Variants in MPHOSPH9 observed in about 807,000 individuals in gnomAD.
MPHOSPH9 encodes M-phase phosphoprotein 9.
In MPHOSPH9, 88 loss-of-function variants were observed where a neutral mutation model predicts 145.5. The ratio of observed to expected loss-of-function variants is 0.60; its 90% CI spans 0.51 to 0.72. The LOEUF (loss-of-function observed/expected upper bound fraction) is 0.72. Ranked by LOEUF, MPHOSPH9 falls within the 30% of genes least tolerant of loss-of-function variation. The pLI, the probability that MPHOSPH9 is intolerant of heterozygous loss-of-function variation, is 0.00. For missense variants in MPHOSPH9, 1,238 were observed against 1,386.6 expected, an observed-to-expected ratio of 0.89 and a Z score of 1.70; for synonymous variants, 435 against 486.2, an observed-to-expected ratio of 0.89 and a Z score of 1.39.
At position 123,223,033 on chromosome 12, in the gene MPHOSPH9, CTT is replaced by C; in HGVS notation, c.348+3_348+4del. ...AAAAAGGAATCAATGTAAATGGTAA[CTT>C]ACTTGAATTTGGTTGTGGAACTGCT... On this transcript the variant is annotated splice_donor_region_variant and intron_variant, in intron 4 of 23. Transcript: ENST00000606320. The C allele has an allele frequency of 1.3e-6, 2 of 1,506,990 alleles. No individual in the cohort carries two copies. Among genetic ancestry groups the C allele is most frequent in the South Asian group, 2.5e-5 (2 of 81,422 alleles). 93.4% of individuals were successfully genotyped at this position (1,506,990 alleles called of 1,614,324 possible).
intron 8 of MPHOSPH9, among the ~76,000 whole-genome samples, chr12:123,208,598 A>G (rs2046554686): frequency 6.6e-6 from 1 of 151,932 alleles, no homozygotes; most frequent in South Asian, 2.1e-4. Flanking sequence ...AATGGATCGC[A>G]TAACAAATGA....
At chr12:123,237,655 A>G (rs1232165939), upstream of MPHOSPH9, among the ~76,000 whole-genome samples, 1 of 152,184 alleles carries the variant, frequency 6.6e-6, no homozygotes, top group Non-Finnish European at 1.5e-5. Context: ...TGTTTGAGAA[A>G]TAACTATCTG....
rs746240316 is a variant in MPHOSPH9 at position 123,156,893 on chromosome 12, G to C, written c.3466C>G (p.Arg1156Gly). 1 of 1,605,776 alleles carries C rather than the reference G, an allele frequency of 6.2e-7. No individual in the cohort carries two copies. Among genetic ancestry groups the C allele is most frequent in the Non-Finnish European group, 8.5e-7 (1 of 1,173,928 alleles). Residue 1156 changes from arginine (R) to glycine (G), a missense_variant, in exon 24 of 24, where the codon CGT becomes GGT. This residue lies in a region of MPHOSPH9 where 393 missense variants were observed against 462.5 expected (regional missense o/e 0.85). Coordinates refer to ENST00000606320, the MANE Select transcript of MPHOSPH9 (RefSeq NM_022782.4). Reference protein sequence around the residue: ...TRLNQEALEDRLERINRELGS... With the variant: ...TRLNQEALEDGLERINRELGS... Reference sequence around the variant, plus strand: ...AGTTCTCGATTAATCCTTTCCAAACGATCTTCCAAGGCTTCCTAGGTGAAA... The same window carrying C: ...AGTTCTCGATTAATCCTTTCCAAACCATCTTCCAAGGCTTCCTAGGTGAAA...
At chr12:123,211,844 A>G (rs2046737166) in intron 7 of MPHOSPH9, among the ~76,000 whole-genome samples, 1 of 150,628 alleles carries the variant, frequency 6.6e-6, no homozygotes, top group Non-Finnish European at 1.5e-5. Flanking sequence ...TAAACTCAAC[A>G]CCACCGCACC....
rs563946485 is a variant in MPHOSPH9, at chr12:123,155,590, T to C, written c.*1217A>G. 1 of 152,388 alleles carries C rather than the reference T, an allele frequency of 6.6e-6. No homozygotes were observed. The highest frequency in any genetic ancestry group is 2.4e-5 in the African/African-American group (1 of 41,588). 9.4% of individuals were successfully genotyped at this position (152,388 alleles called of 1,614,324 possible). ...GTTTGGATGAGTCTGTTTATCAACATGTACCGAGCTGGAATATGTGGGGCA... is the reference window on the plus strand; with the variant it reads ...GTTTGGATGAGTCTGTTTATCAACACGTACCGAGCTGGAATATGTGGGGCA... On this transcript the variant is annotated 3_prime_UTR_variant, in exon 24 of 24. Coordinates refer to ENST00000606320, the MANE Select transcript of MPHOSPH9 (RefSeq NM_022782.4).
intron 16 of MPHOSPH9, 130 bp from the exon 17 acceptor site, chr12:123,166,919 A>G (rs760219757): frequency 3.9e-5 from 36 of 931,358 alleles, no homozygotes; most frequent in Non-Finnish European, 5.5e-5. Context: ...CACATGTAAC[A>G]ATCTATATTT....
Position 123,163,083 on chromosome 12 carries a change from C to T in MPHOSPH9, c.2960G>A (p.Arg987Gln), listed in dbSNP as rs144379839. ...TGGGGACAAGTTTTCTTTAGGGGATCGCTTTGGACTATAAGCCACAGTCAC... is the reference window on the plus strand; with the variant it reads ...TGGGGACAAGTTTTCTTTAGGGGATTGCTTTGGACTATAAGCCACAGTCAC... ...TPVTVAYSPK[R>Q]SPKENLSPGF... Residue 987 changes from arginine (R) to glutamine (Q), a missense_variant, in exon 20 of 24, where the codon CGA becomes CAA. Around this residue, in one of 3 missense-constraint regions of MPHOSPH9, gnomAD observed 393 missense variants for 462.5 expected, o/e 0.85. Coordinates refer to ENST00000606320, the MANE Select transcript of MPHOSPH9 (RefSeq NM_022782.4). 2.4e-5 allele frequency: 39 copies of T among 1,594,280 alleles called. No homozygotes were observed. Among genetic ancestry groups the T allele is most frequent in the African/African-American group, 2.0e-4 (15 of 73,834 alleles).
intron 21 of MPHOSPH9, among the ~76,000 whole-genome samples, chr12:123,161,595 T>C (rs931165839): frequency 1.3e-5 from 2 of 151,740 alleles, no homozygotes; most frequent in Non-Finnish European, 2.9e-5. Context: ...TGACAATCTT[T>C]GCAACTTCCC....
At chr12:123,178,698 A>G (rs1434262208) in intron 15 of MPHOSPH9, among the ~76,000 whole-genome samples, 1 of 152,040 alleles carries the variant, frequency 6.6e-6, no homozygotes, top group Non-Finnish European at 1.5e-5. Flanking sequence ...TAATTTTTGT[A>G]TTTTTAGTAG....
chr12:123,154,046 T>C (rs562035451), downstream of MPHOSPH9, among the ~76,000 whole-genome samples: 3 of 152,214 alleles, frequency 2.0e-5, no homozygotes, highest in East Asian at 3.9e-4. Flanking sequence ...GTTGCTTCAG[T>C]TGGAAAAGTC....
chr12:123,202,376 C>T, intron 10 of MPHOSPH9, 57 bp from the exon 11 acceptor site: 2 of 1,496,710 alleles, frequency 1.3e-6, no homozygotes, highest in East Asian at 2.3e-5. Context: ...GTCTCCATCC[C>T]ACAAGAGAAA....
chr12:123,193,089 A>AT (rs2045768966), intron 13 of MPHOSPH9, among the ~76,000 whole-genome samples: 1 of 51,364 alleles, frequency 1.9e-5, no homozygotes, highest in African/African-American at 5.1e-5. Context: ...AAAAAAAAAA[A>AT]AAAAAAAATA....
intron 7 of MPHOSPH9, among the ~76,000 whole-genome samples, chr12:123,212,567 C>T (rs952108682): frequency 1.3e-5 from 2 of 151,738 alleles, no homozygotes; most frequent in Admixed American, 6.6e-5. Context: ...ATTAGCTGGG[C>T]GTGGTAGTGC....
At chr12:123,188,797 G>A (rs2045559350) in intron 13 of MPHOSPH9, among the ~76,000 whole-genome samples, 1 of 152,118 alleles carries the variant, frequency 6.6e-6, no homozygotes, top group South Asian at 2.1e-4. Flanking sequence ...GCAGTGAGCC[G>A]AGATAGCGCC....
intron 13 of MPHOSPH9, among the ~76,000 whole-genome samples, chr12:123,183,564 A>G (rs895027711): frequency 8.0e-5 from 12 of 150,608 alleles, no homozygotes; most frequent in African/African-American, 1.2e-4. Flanking sequence ...AAAAAAAAAA[A>G]AAAAAAGAAA....
At chr12:123,228,475 G>A (rs1044111013) in intron 2 of MPHOSPH9, among the ~76,000 whole-genome samples, 4 of 152,188 alleles carry the variant, frequency 2.6e-5, no homozygotes, top group African/African-American at 9.7e-5. Context: ...GGATCACCAG[G>A]TCAGGAGATC....
rs567680812 is a variant in MPHOSPH9, at chr12:123,154,344, G to A, written c.*2463C>T. 1 of 152,168 alleles carries A rather than the reference G, an allele frequency of 6.6e-6. No individual in the cohort carries two copies. The highest frequency in any genetic ancestry group is 2.4e-5 in the African/African-American group (1 of 41,526). The allele number at this position is 152,168 out of a possible 1,614,324, so 9.4% of individuals were successfully genotyped here. ...GCCATCTTTCCTGCTTTTAGGTGGA[G>A]TGTTTTTTCAGTTGAGTGTTCATAA... On this transcript the variant is annotated 3_prime_UTR_variant, in exon 24 of 24. Transcript: ENST00000606320.
In MPHOSPH9 at chr12:123,195,988, C is replaced by T. The variant is rs779210717; in HGVS notation, c.2026-1387G>A. 4.0e-4 allele frequency among the ~76,000 whole-genome samples: 60 copies of T among 151,748 alleles called. 1 individual carries two copies. Among genetic ancestry groups the T allele is most frequent in the Middle Eastern group, 6.8e-3 (2 of 294 alleles). ...AGGTTGAGACTGCAGTAAGCCATGA[C>T]GGCTCCACAGCACTCTAGCCTGGGC... On this transcript the variant is annotated intron_variant, in intron 12 of 23. Coordinates refer to ENST00000606320, the MANE Select transcript of MPHOSPH9 (RefSeq NM_022782.4).
chr12:123,215,783 G>C (rs936883619), intron 6 of MPHOSPH9, among the ~76,000 whole-genome samples: 7 of 152,104 alleles, frequency 4.6e-5, no homozygotes, highest in Admixed American at 1.3e-4. Context: ...TTCCTGTAAA[G>C]AGTATGTAAC....
Sources: gnomAD v4.1 joint callset for allele counts (sites outside exome capture counted in the v4.1 genomes callset) on GRCh38, gnomAD v4.1.1 for gene constraint, gnomAD v4.1.1 regional missense constraint, MANE v1.5 for transcripts, NCBI Gene and HGNC (gene_info 2026-07-23, HGNC 2026-07-21) for gene names.